The following F5 variants were observed in gnomAD, a reference collection of about 807,000 sequenced individuals.
F5 encodes the protein activated protein c cofactor.
A neutral mutation model predicts 216.4 loss-of-function variants in F5; 138 were observed. The ratio of observed to expected loss-of-function variants is 0.64; its 90% CI spans 0.56 to 0.73. The LOEUF is 0.73. F5 is among the 30% of genes least tolerant of loss of function. The pLI, the probability that F5 is intolerant of heterozygous loss-of-function variation, is 0.00. For missense variants in F5, 2,403 were observed against 2,674.0 expected, an observed-to-expected ratio of 0.90 and a Z score of 2.24; for synonymous variants, 916 against 930.7, an observed-to-expected ratio of 0.98 and a Z score of 0.29.
At position 169,519,915 on chromosome 1, in the gene F5, A is replaced by G. The variant is rs148064459; in HGVS notation, c.6193+605T>C. Among the ~76,000 whole-genome samples, 20 of 152,358 alleles carry G rather than the reference A, an allele frequency of 1.3e-4. No homozygotes were observed. The East Asian group carries it at 3.8e-3, about 29-fold the overall frequency. On this transcript the variant is annotated intron_variant, in intron 22 of 24. Transcript: ENST00000367797. ...GTTAAGACTCTTAAACATCCTTGCT[A>G]TATATAGTAGAATTTTATTATGACC...
At chr1:169,555,060 G>T in intron 7 of F5, 122 bp downstream of exon 7, 1 of 1,105,040 alleles carries the variant, frequency 9.0e-7, no homozygotes, top group Non-Finnish European at 1.4e-6. Flanking sequence ...AAAAAGACTT[G>T]AATAGAAACC....
At position 169,518,396 on chromosome 1, in the gene F5, A is replaced by C. The variant is rs761745537; in HGVS notation, c.6345+16T>G. The stretch of plus-strand genomic sequence containing the variant: ...CTGGAGCCCTAAGAGAACACCATGC[A>C]TAGAGTATACTTGACCTTGGCTTGC... On this transcript the variant is annotated intron_variant, in intron 23 of 24. Transcript: ENST00000367797. 18 of 1,613,448 alleles carry C rather than the reference A, an allele frequency of 1.1e-5. No individual in the cohort carries two copies. The South Asian group carries it at 1.8e-4, about 16-fold the overall frequency.
At chr1:169,521,904 C>T (rs1408767190) in intron 21 of F5, among the ~76,000 whole-genome samples, 3 of 150,484 alleles carry the variant, frequency 2.0e-5, no homozygotes, top group Non-Finnish European at 1.5e-5. Context: ...CAGACGTGAG[C>T]CACTGCGCCC....
Position 169,526,195 on chromosome 1 carries a change from T to C in F5, c.5600-178A>G, listed in dbSNP as rs9332635. Among the ~76,000 whole-genome samples the C allele has an allele frequency of 0.25, 37,396 of 151,916 alleles. 4,803 individuals are homozygous for C. The highest frequency in any genetic ancestry group is 0.34 in the Admixed American group (5,245 of 15,250). On this transcript the variant is annotated intron_variant, in intron 17 of 24. Coordinates refer to ENST00000367797, the MANE Select transcript of F5 (RefSeq NM_000130.5). ...ATAAAAACAAAACAATAACAACACA[T>C]ACACAGAGATAACTAAAAAAAATTT...
Position 169,581,749 on chromosome 1 carries a change from AC to A in F5, c.250+681del, listed in dbSNP as rs1660990621. ...AGTTAAGATATTAGAACCCTATTCA[AC>A]CCAGTCTTCTTGATAAAGGAAGAGA... On this transcript the variant is annotated intron_variant, in intron 2 of 24. Coordinates refer to ENST00000367797, the MANE Select transcript of F5 (RefSeq NM_000130.5). Among the ~76,000 whole-genome samples the A allele has an allele frequency of 5.3e-5, 8 of 152,306 alleles. No homozygotes were observed. The South Asian group carries it at 1.7e-3, about 32-fold the overall frequency.
chr1:169,555,456 G>T, intron 6 of F5, 109 bp from the exon 7 acceptor site: 1 of 1,200,540 alleles, frequency 8.3e-7, no homozygotes, highest in Non-Finnish European at 1.2e-6. Flanking sequence ...AATATAATAA[G>T]AGTGAAAGTA....
At chr1:169,577,560 A>AATATATATATATATATAT (rs3035292) in intron 2 of F5, among the ~76,000 whole-genome samples, 82 of 54,434 alleles carry the variant, frequency 1.5e-3, no homozygotes, top group South Asian at 3.2e-3. Context: ...GGCTAATTTA[A>AATATATATATATATATAT]ATATATATAT....
In F5 at chr1:169,517,372, G is replaced by A. The variant is rs911373115; in HGVS notation, c.6345+1040C>T. Among the ~76,000 whole-genome samples, 24 of 152,132 alleles carry A rather than the reference G, an allele frequency of 1.6e-4. 1 individual carries two copies. The highest frequency in any genetic ancestry group is 5.9e-5 in the Non-Finnish European group (4 of 68,022). On this transcript the variant is annotated intron_variant, in intron 23 of 24. Transcript: ENST00000367797. ...TCAAGACACAGATATCAGTTCCCAA[G>A]ACTGTGTGGAATCCAATCTTTTCTA...
chr1:169,544,307 A>G lies in F5; in HGVS notation c.1964T>C (p.Met655Thr). 1 of 1,613,928 alleles carries G rather than the reference A, an allele frequency of 6.2e-7. No homozygotes were observed. The highest frequency in any genetic ancestry group is 8.5e-7 in the Non-Finnish European group (1 of 1,179,902). Residue 655 changes from methionine (M) to threonine (T), a missense_variant, in exon 12 of 25, where the codon ATG becomes ACG. Physicochemically the swap from Met to Thr is moderately conservative, Grantham distance 81. Transcript: ENST00000367797. ...PMRGESVTVT[M>T]DNVGTWMLTS... ...AGACTCTTACTCACCAACATTATCC[A>G]TTGTGACCGTCACAGATTCTCCACG...
At chr1:169,530,225 T>G (rs1455726939) in intron 15 of F5, among the ~76,000 whole-genome samples, 1 of 152,226 alleles carries the variant, frequency 6.6e-6, no homozygotes, top group Non-Finnish European at 1.5e-5. Flanking sequence ...ATTTTTAACT[T>G]CTGATACCAG....
In F5 at chr1:169,541,974, T is replaced by G; in HGVS notation, c.3116A>C (p.His1039Pro). 1 of 1,614,028 alleles carries G rather than the reference T, an allele frequency of 6.2e-7. No individual in the cohort carries two copies. Among genetic ancestry groups the G allele is most frequent in the Admixed American group, 1.7e-5 (1 of 60,012 alleles). The change falls in exon 13 of 25, where the codon CAC becomes CCC. Residue 1039 changes from histidine to proline, a missense_variant. By Grantham distance (77) the His-to-Pro change is moderately conservative. This residue lies in a region of F5 where 1,425 missense variants were observed against 1,554.8 expected (regional missense o/e 0.92). Coordinates refer to ENST00000367797, the MANE Select transcript of F5 (RefSeq NM_000130.5). ...TRKKKKEKHTHHAPLSPRTFH... is the reference protein window; with the variant it reads ...TRKKKKEKHTPHAPLSPRTFH... ...GGTCCTCGGAGATAAAGGAGCATGG[T>G]GTGTGTGCTTCTCTTTTTTCTTTTT...
chr1:169,541,569 G>T lies in F5; in HGVS notation c.3521C>A (p.Ser1174Tyr). Residue 1174 changes from serine to tyrosine, a missense_variant, in exon 13 of 25, where the codon TCC becomes TAC. Physicochemically the swap from Ser to Tyr is moderately radical, Grantham distance 144 (BLOSUM62 -2). Around this residue, in one of 4 missense-constraint regions of F5, gnomAD observed 1,425 missense variants for 1,554.8 expected, o/e 0.92. Transcript: ENST00000367797. ...KSFPTDISQM[S>Y]PSSEHEVWQT... ...CCAGACTTCATGTTCTGAGGAAGGG[G>T]ACATTTGACTTATATCTGTGGGGAA... 2 of 1,614,150 alleles carry T rather than the reference G, an allele frequency of 1.2e-6. No individual in the cohort carries two copies. The highest frequency in any genetic ancestry group is 1.7e-6 in the Non-Finnish European group (2 of 1,180,018).
intron 6 of F5, 149 bp from the exon 7 acceptor site, chr1:169,555,496 T>G: frequency 3.3e-6 from 3 of 906,968 alleles, no homozygotes; most frequent in East Asian, 5.3e-5. Context: ...ACATTTTAGT[T>G]TGGAACTCTT....
chr1:169,549,840 T>G lies in F5; in HGVS notation c.1572A>C (p.Leu524=), dbSNP rs1304442049. The G allele has an allele frequency of 1.2e-6, 2 of 1,613,970 alleles. No individual in the cohort carries two copies. The highest frequency in any genetic ancestry group is 1.7e-6 in the Non-Finnish European group (2 of 1,179,954). ...TGTCCAGGGATCTGCTCTTACAGAT[T>G]AGAAGTAGTCCTATTAGCCCAGAGG... ...DIASGLIGLL[L]ICKSRSLDRR... Residue 524 remains leucine, a synonymous_variant, in exon 10 of 25, where the codon CTA becomes CTC. Coordinates refer to ENST00000367797, the MANE Select transcript of F5 (RefSeq NM_000130.5).
rs1009603325 is a variant in F5 at position 169,555,343 on chromosome 1, C to G, written c.957G>C (p.Gly319=). ...SSLTPKHLQA[G]MQAYIDIKNC... ...TTTTAATGTCAATGTAAGCCTGCAT[C>G]CCAGCTGAGTTAGGACAGAAAGACA... The change falls in exon 7 of 25, where the codon GGG becomes GGC. Residue 319 remains glycine, a synonymous_variant. Transcript: ENST00000367797. 9 of 1,613,818 alleles carry G rather than the reference C, an allele frequency of 5.6e-6. No individual in the cohort carries two copies. Among genetic ancestry groups the G allele is most frequent in the African/African-American group, 5.3e-5 (4 of 74,868 alleles).
chr1:169,514,335 A>G lies in F5; in HGVS notation c.6653T>C (p.Leu2218Pro), dbSNP rs761265498. 1.2e-6 allele frequency: 2 copies of G among 1,613,362 alleles called. No homozygotes were observed. Among genetic ancestry groups the G allele is most frequent in the South Asian group, 1.1e-5 (1 of 91,066 alleles). The change falls in exon 25 of 25, where the codon CTC (leucine) becomes CCC (proline). Residue 2218 changes from leucine (L) to proline (P), a missense_variant. This residue lies in a region of F5 where 659 missense variants were observed against 787.9 expected (regional missense o/e 0.84). Coordinates refer to ENST00000367797, the MANE Select transcript of F5 (RefSeq NM_000130.5). ...ATTCTAGTAAATATCACAGCCAAAGAGTTCCAGGCGAAGTGCAATACTTTG... is the reference window on the plus strand; with the variant it reads ...ATTCTAGTAAATATCACAGCCAAAGGGTTCCAGGCGAAGTGCAATACTTTG... The part of the protein sequence containing the change: ...WNQSIALRLE[L>P]FGCDIY
At chr1:169,573,533 G>A (rs1292641028) in intron 2 of F5, among the ~76,000 whole-genome samples, 2 of 152,172 alleles carry the variant, frequency 1.3e-5, no homozygotes, top group African/African-American at 4.8e-5. Context: ...ATTGCATGTG[G>A]CTTGTGAGAG....
Position 169,556,696 on chromosome 1 carries a change from C to A in F5, c.902G>T (p.Gly301Val). ...ATSTTANMTV[G>V]PEGKWIISSL... ...AGATATGATCCACTTTCCCTCTGGGCCCACAGTCATATTTGCGGTAGTGGA... is the reference window on the plus strand; with the variant it reads ...AGATATGATCCACTTTCCCTCTGGGACCACAGTCATATTTGCGGTAGTGGA... Residue 301 changes from glycine to valine, a missense_variant, in exon 6 of 25, where the codon GGC becomes GTC. Around this residue, in one of 4 missense-constraint regions of F5, gnomAD observed 1,425 missense variants for 1,554.8 expected, o/e 0.92. Coordinates refer to ENST00000367797, the MANE Select transcript of F5 (RefSeq NM_000130.5). 8 of 1,614,068 alleles carry A rather than the reference C, an allele frequency of 5.0e-6. No homozygotes were observed. Among genetic ancestry groups the A allele is most frequent in the Non-Finnish European group, 6.8e-6 (8 of 1,179,996 alleles).
chr1:169,563,317 T>G (rs908079972), intron 3 of F5, among the ~76,000 whole-genome samples: 3 of 152,142 alleles, frequency 2.0e-5, no homozygotes, highest in Non-Finnish European at 4.4e-5. Flanking sequence ...TTCTTCATGT[T>G]CCTTCTTCTT....
Sources: allele counts gnomAD v4.1 joint callset (sites outside exome capture counted in the v4.1 genomes callset), GRCh38; gene constraint gnomAD v4.1.1; regional missense constraint gnomAD v4.1.1; transcripts MANE v1.5; gene names NCBI Gene and HGNC (gene_info 2026-07-23, HGNC 2026-07-21).